The following RRM2B variants were observed in gnomAD, a reference collection of about 807,000 sequenced individuals.
The protein encoded by RRM2B is ribonucleotide reductase regulatory TP53 inducible subunit M2B, also known as ribonucleoside-diphosphate reductase subunit M2 B.
A neutral mutation model predicts 45.9 loss-of-function variants in RRM2B; 20 were observed. The ratio of observed to expected loss-of-function variants is 0.44; its 90% CI spans 0.31 to 0.63. The LOEUF is 0.63. Among genes scored for constraint, RRM2B ranks in the 30% least tolerant of loss-of-function variants. The pLI is 0.09. For synonymous variants in RRM2B, 124 were observed against 132.3 expected (o/e 0.94, Z 0.43); for missense variants, 320 against 414.7 (o/e 0.77, Z 1.98).
chr8:102,206,150 T>C lies in RRM2B; in HGVS notation c.*1983A>G, dbSNP rs987923267. 2.6e-5 allele frequency: 4 copies of C among 152,024 alleles called. No homozygotes were observed. The highest frequency in any genetic ancestry group is 4.4e-5 in the Non-Finnish European group (3 of 67,976). 9.4% of individuals were successfully genotyped at this position (152,024 alleles called of 1,614,324 possible). ...CTATATTTTGATACTTTAATATATA[T>C]ATTTAAAGTATATTCAATTAATGAG... On this transcript the variant is annotated 3_prime_UTR_variant, in exon 9 of 9. Transcript: ENST00000251810.
At chr8:102,228,095 C>T (rs772409566) in intron 2 of RRM2B, among the ~76,000 whole-genome samples, 1 of 152,152 alleles carries the variant, frequency 6.6e-6, no homozygotes, top group Non-Finnish European at 1.5e-5. Context: ...CAAAACCACC[C>T]ATGGCCCCAC....
chr8:102,220,518 A>T (rs1255235268), intron 5 of RRM2B, among the ~76,000 whole-genome samples: 5 of 152,206 alleles, frequency 3.3e-5, no homozygotes, highest in Non-Finnish European at 7.3e-5. Flanking sequence ...TAATTCAAAC[A>T]GTCTCAAACT....
chr8:102,236,807 C>CTGGT (rs1811129243), intron 1 of RRM2B, among the ~76,000 whole-genome samples: 1 of 152,190 alleles, frequency 6.6e-6, no homozygotes. Context: ...CTTCCAGTTT[C>CTGGT]CGACTGACTC....
chr8:102,232,362 C>T (rs974438108), intron 1 of RRM2B, 58 bp from the exon 2 acceptor site: 4 of 1,537,074 alleles, frequency 2.6e-6, no homozygotes, highest in East Asian at 4.5e-5. Context: ...TTTATTCATA[C>T]CTAAACATAC....
At chr8:102,231,303 T>C (rs1409830366) in intron 2 of RRM2B, among the ~76,000 whole-genome samples, 1 of 152,218 alleles carries the variant, frequency 6.6e-6, no homozygotes, top group African/African-American at 2.4e-5. Context: ...GGCAACTCTG[T>C]CACGTTTGAT....
At chr8:102,217,318 A>C (rs1810747110) in intron 6 of RRM2B, among the ~76,000 whole-genome samples, 1 of 152,102 alleles carries the variant, frequency 6.6e-6, no homozygotes. Flanking sequence ...ACTTCAACAA[A>C]ACAGTAAATG....
rs1810525688 is a variant in RRM2B, at chr8:102,205,344, A to T, written c.*2789T>A. On this transcript the variant is annotated 3_prime_UTR_variant, in exon 9 of 9. Transcript: ENST00000251810. ...TTTCTCAATAATCAATTCATGCACAAATAAAAAATGGCAATAGAAAAAGCA... is the reference window on the plus strand; with the variant it reads ...TTTCTCAATAATCAATTCATGCACATATAAAAAATGGCAATAGAAAAAGCA... The T allele has an allele frequency of 6.6e-6, 1 of 152,196 alleles. No individual in the cohort carries two copies. The highest frequency in any genetic ancestry group is 2.4e-5 in the African/African-American group (1 of 41,460). The allele number at this position is 152,196 out of a possible 1,614,324, so 9.4% of individuals were successfully genotyped here.
At chr8:102,209,498 C>T (rs775095189) in intron 8 of RRM2B, among the ~76,000 whole-genome samples, 4 of 152,100 alleles carry the variant, frequency 2.6e-5, no homozygotes, top group South Asian at 2.1e-4. Context: ...AGTGTTGGTG[C>T]GGATGTGGAG....
chr8:102,225,725 C>A (rs995235292), intron 3 of RRM2B, among the ~76,000 whole-genome samples, 193 bp downstream of exon 3: 1 of 152,154 alleles, frequency 6.6e-6, no homozygotes, highest in Admixed American at 6.5e-5. Flanking sequence ...TGATTCATAT[C>A]ATTTATGCTT....
chr8:102,236,231 A>C (rs1430734230), intron 1 of RRM2B, among the ~76,000 whole-genome samples: 2 of 152,176 alleles, frequency 1.3e-5, no homozygotes, highest in Non-Finnish European at 1.5e-5. Context: ...TAGAAGGCTC[A>C]TACTCCAATT....
At chr8:102,231,668 A>C (rs1587185480) in intron 2 of RRM2B, among the ~76,000 whole-genome samples, 1 of 151,858 alleles carries the variant, frequency 6.6e-6, no homozygotes, top group African/African-American at 2.4e-5. Flanking sequence ...CAGGAGTTTG[A>C]GACCAGCCTG....
At chr8:102,215,366 C>G (rs149635625) in intron 6 of RRM2B, among the ~76,000 whole-genome samples, 1 of 150,988 alleles carries the variant, frequency 6.6e-6, no homozygotes, top group South Asian at 2.1e-4. Context: ...GCTGAGATCA[C>G]GCCACTGCAC....
chr8:102,211,408 A>G (rs1213066954), intron 8 of RRM2B, among the ~76,000 whole-genome samples: 1 of 152,190 alleles, frequency 6.6e-6, no homozygotes, highest in African/African-American at 2.4e-5. Context: ...TGCTTTTTAG[A>G]ATTTACTCAG....
At position 102,205,605 on chromosome 8, in the gene RRM2B, G is replaced by T. The variant is rs1810530132; in HGVS notation, c.*2528C>A. On this transcript the variant is annotated 3_prime_UTR_variant, in exon 9 of 9. Transcript: ENST00000251810. ...TTTTTAATAAATGCAATCTATCATA[G>T]AACTGCAAGTTTTTATATTCCTAAT... 1 of 152,080 alleles carries T rather than the reference G, an allele frequency of 6.6e-6. No individual in the cohort carries two copies. The highest frequency in any genetic ancestry group is 2.4e-5 in the African/African-American group (1 of 41,434). The allele number at this position is 152,080 out of a possible 1,614,324, so 9.4% of individuals were successfully genotyped here.
intron 1 of RRM2B, chr8:102,238,527 G>C: frequency 6.8e-7 from 1 of 1,459,902 alleles, no homozygotes; most frequent in South Asian, 1.2e-5. Context: ...GTGGGAGAGC[G>C]TGAGGCGGAT....
intron 5 of RRM2B, among the ~76,000 whole-genome samples, chr8:102,220,393 T>TA (rs1370504997): frequency 2.6e-5 from 4 of 152,318 alleles, no homozygotes; most frequent in Non-Finnish European, 1.5e-5. Context: ...GTCAGGAAAG[T>TA]AGACTATAAT....
Position 102,224,908 on chromosome 8 carries a change from A to C in RRM2B, c.432T>G (p.Thr144=), listed in dbSNP as rs1810902017. Residue 144 remains threonine, a synonymous_variant, in exon 4 of 9, where the codon ACT becomes ACG. Transcript: ENST00000251810. ...ACCTTTTCTTGGGATCTCTGATGTA[A>C]GTGTCTATCAGCAAACTGTACATCT... ...HSEMYSLLID[T]YIRDPKKREF... The C allele has an allele frequency of 1.9e-6, 3 of 1,613,812 alleles. No individual in the cohort carries two copies. Among genetic ancestry groups the C allele is most frequent in the Non-Finnish European group, 2.5e-6 (3 of 1,179,676 alleles).
At chr8:102,238,163 A>T (rs1162776893) in intron 1 of RRM2B, among the ~76,000 whole-genome samples, 1 of 152,232 alleles carries the variant, frequency 6.6e-6, no homozygotes, top group Admixed American at 6.5e-5. Flanking sequence ...GGGCTTATTA[A>T]GCACCTACAA....
At chr8:102,215,174 A>G (rs1210918476) in intron 6 of RRM2B, among the ~76,000 whole-genome samples, 1 of 151,472 alleles carries the variant, frequency 6.6e-6, no homozygotes, top group East Asian at 1.9e-4. Flanking sequence ...GCACTTTGGG[A>G]GGCTAAGGTG....
Sources: gnomAD v4.1 joint callset for allele counts (sites outside exome capture counted in the v4.1 genomes callset) on GRCh38, gnomAD v4.1.1 for gene constraint, MANE v1.5 for transcripts, NCBI Gene and HGNC (gene_info 2026-07-23, HGNC 2026-07-21) for gene names.